Variants in ZNRF3 observed in about 807,000 individuals in gnomAD.
ZNRF3 encodes the protein zinc and ring finger 3, also known as E3 ubiquitin-protein ligase ZNRF3.
Under a neutral mutation model 72.5 loss-of-function variants are expected in ZNRF3, and 23 were observed. The ratio of observed to expected loss-of-function variants is 0.32; its 90% CI spans 0.23 to 0.45. The LOEUF (loss-of-function observed/expected upper bound fraction) is 0.45. Ranked by LOEUF, ZNRF3 falls within the 20% of genes least tolerant of loss-of-function variation. The probability of loss-of-function intolerance (pLI) is 1.00; values close to 1 mark genes in which losing one functional copy is unlikely to be tolerated. For missense variants in ZNRF3, 1,169 were observed against 1,272.1 expected, an observed-to-expected ratio of 0.92 and a Z score of 1.23; for synonymous variants, 610 against 545.3, an observed-to-expected ratio of 1.12 and a Z score of -1.65.
intron 2 of ZNRF3, among the ~76,000 whole-genome samples, chr22:28,999,381 T>C (rs939774730): frequency 1.3e-5 from 2 of 151,958 alleles, no homozygotes; most frequent in Non-Finnish European, 2.9e-5. Flanking sequence ...GGTTAGCTAC[T>C]TGGGAGGCTG....
chr22:28,971,189 T>TA (rs1296907192), intron 1 of ZNRF3, among the ~76,000 whole-genome samples: 1 of 151,592 alleles, frequency 6.6e-6, no homozygotes, highest in African/African-American at 2.4e-5. Flanking sequence ...ACCCTGTCTC[T>TA]AAAAAAATGT....
Position 29,050,297 on chromosome 22 carries a change from G to A in ZNRF3, c.2116G>A (p.Glu706Lys). ...CAGGAGGACCTGGAAGGGGGGCCAC[G>A]AGTTGCCGTCGTGTGCCTGCTGCTG... ...DLRRTWKGGHELPSCACCCEP... is the reference protein window; with the variant it reads ...DLRRTWKGGHKLPSCACCCEP... Residue 706 changes from glutamate (E) to lysine (K), a missense_variant, in exon 8 of 9, where the codon GAG (glutamate) becomes AAG (lysine). Glu to Lys is a moderately conservative substitution (Grantham distance 56). This residue lies in a region of ZNRF3 where 783 missense variants were observed against 731.4 expected (regional missense o/e 1.07). Coordinates refer to ENST00000544604, the MANE Select transcript of ZNRF3 (RefSeq NM_001206998.2). The A allele has an allele frequency of 1.3e-6, 2 of 1,598,184 alleles. No homozygotes were observed. Among genetic ancestry groups the A allele is most frequent in the Non-Finnish European group, 1.7e-6 (2 of 1,178,142 alleles).
chr22:28,889,160 T>C (rs35814864), intron 1 of ZNRF3, among the ~76,000 whole-genome samples: 15,187 of 152,182 alleles, frequency 0.1, 1,008 homozygotes, highest in South Asian at 0.25. Context: ...TGTTCTTGTT[T>C]TTGCCAAGTG....
rs756566455 is a variant in ZNRF3, at chr22:29,056,540, T to C, written c.*2918T>C. 11 of 152,198 alleles carry C rather than the reference T, an allele frequency of 7.2e-5. No homozygotes were observed. The highest frequency in any genetic ancestry group is 1.3e-4 in the Admixed American group (2 of 15,280). The allele number at this position is 152,198 out of a possible 1,614,324, so 9.4% of individuals were successfully genotyped here. The stretch of plus-strand genomic sequence containing the variant: ...CTTTGAAGTTGTAAGACTCCACCAA[T>C]GACAGACACCCTTTTCGGTGGACTC... On this transcript the variant is annotated 3_prime_UTR_variant, in exon 9 of 9. Transcript: ENST00000544604.
intron 2 of ZNRF3, among the ~76,000 whole-genome samples, chr22:29,006,870 A>G (rs2036260181): frequency 6.6e-6 from 1 of 152,246 alleles, no homozygotes; most frequent in African/African-American, 2.4e-5. Context: ...GTCTTAGCCC[A>G]GGAGCCGCAG....
chr22:28,890,423 C>G (rs1038886427), intron 1 of ZNRF3, among the ~76,000 whole-genome samples: 2 of 152,116 alleles, frequency 1.3e-5, no homozygotes, highest in Admixed American at 6.5e-5. Context: ...TGGCGTGAAC[C>G]CAGGAGGTGG....
intron 1 of ZNRF3, among the ~76,000 whole-genome samples, chr22:28,886,592 T>C (rs1490886643): frequency 6.6e-6 from 1 of 152,214 alleles, no homozygotes; most frequent in South Asian, 2.1e-4. Flanking sequence ...TTGTCTTTCT[T>C]TGAGGCTTTC....
chr22:28,956,190 G>A (rs1247698672), intron 1 of ZNRF3, among the ~76,000 whole-genome samples: 1 of 152,010 alleles, frequency 6.6e-6, no homozygotes, highest in East Asian at 1.9e-4. Flanking sequence ...ATGGGAGTAG[G>A]CTAGTAATGT....
chr22:29,028,656 G>A (rs1302109071), intron 2 of ZNRF3, among the ~76,000 whole-genome samples: 1 of 152,198 alleles, frequency 6.6e-6, no homozygotes, highest in Non-Finnish European at 1.5e-5. Context: ...TTGTGGCTGA[G>A]TATCCATGGG....
At chr22:28,953,698 A>C (rs894030867) in intron 1 of ZNRF3, among the ~76,000 whole-genome samples, 1 of 152,234 alleles carries the variant, frequency 6.6e-6, no homozygotes, top group Admixed American at 6.5e-5. Context: ...GTTAGGCATC[A>C]ATCATTAATC....
At chr22:29,021,602 C>G (rs1039195015) in intron 2 of ZNRF3, among the ~76,000 whole-genome samples, 7 of 151,852 alleles carry the variant, frequency 4.6e-5, no homozygotes, top group African/African-American at 7.3e-5. Flanking sequence ...ATTCTTCTAC[C>G]TCAGCCTCCC....
At chr22:28,972,247 C>G (rs1044106126) in intron 1 of ZNRF3, among the ~76,000 whole-genome samples, 1 of 152,162 alleles carries the variant, frequency 6.6e-6, no homozygotes, top group Non-Finnish European at 1.5e-5. Flanking sequence ...GAAAGAAACC[C>G]TGTACCTTTT....
intron 2 of ZNRF3, among the ~76,000 whole-genome samples, chr22:28,987,854 C>T (rs150360682): frequency 3.9e-5 from 6 of 152,010 alleles, no homozygotes; most frequent in African/African-American, 1.5e-4. Context: ...AATTATGGTC[C>T]TGTATTAGAA....
intron 1 of ZNRF3, among the ~76,000 whole-genome samples, chr22:28,885,543 TTTCA>T (rs142557204): frequency 0.015 from 2,258 of 151,014 alleles, 56 homozygotes; most frequent in African/African-American, 0.051. Flanking sequence ...TCTTTGAGGC[TTTCA>T]TTGTGTCCTG....
At chr22:28,971,011 A>G (rs1373639221) in intron 1 of ZNRF3, among the ~76,000 whole-genome samples, 4 of 152,186 alleles carry the variant, frequency 2.6e-5, no homozygotes, top group African/African-American at 7.2e-5. Flanking sequence ...TTTATTGTAT[A>G]TAAACACCTC....
intron 2 of ZNRF3, 136 bp downstream of exon 2, chr22:28,987,337 GGT>G: frequency 7.5e-7 from 1 of 1,341,880 alleles, no homozygotes; most frequent in Non-Finnish European, 1.0e-6. Flanking sequence ...AGTTGCATGA[GGT>G]GGGGACTGAG....
At chr22:28,913,323 A>T (rs753998181) in intron 1 of ZNRF3, among the ~76,000 whole-genome samples, 30 of 152,230 alleles carry the variant, frequency 2.0e-4, no homozygotes, top group Non-Finnish European at 3.1e-4. Context: ...TCTGTTGAAG[A>T]GCGGTCTTTC....
chr22:28,983,375 C>T (rs117116195), intron 1 of ZNRF3, among the ~76,000 whole-genome samples: 16 of 152,248 alleles, frequency 1.1e-4, no homozygotes, highest in Non-Finnish European at 1.8e-4. Context: ...TCTGCATGCC[C>T]GGACACGCTC....
chr22:29,011,403 G>A (rs931302300), intron 2 of ZNRF3, among the ~76,000 whole-genome samples: 1 of 152,234 alleles, frequency 6.6e-6, no homozygotes, highest in Non-Finnish European at 1.5e-5. Context: ...TGAATGGCAA[G>A]GAAGTGGGGA....
Sources: gnomAD v4.1 joint callset for allele counts (sites outside exome capture counted in the v4.1 genomes callset) on GRCh38, gnomAD v4.1.1 for gene constraint, gnomAD v4.1.1 regional missense constraint, MANE v1.5 for transcripts, NCBI Gene and HGNC (gene_info 2026-07-23, HGNC 2026-07-21) for gene names.